Variants in CPEB3 observed in about 807,000 individuals in gnomAD.
CPEB3 encodes the protein cytoplasmic polyadenylation element binding protein 3.
Under a neutral mutation model 67.2 loss-of-function variants are expected in CPEB3, and 20 were observed. The observed-to-expected ratio is 0.30, with a 90% confidence interval of 0.21 to 0.43. The LOEUF is 0.43. Among genes scored for constraint, CPEB3 ranks in the 20% least tolerant of loss-of-function variants. The pLI is 1.00. For missense variants in CPEB3, 746 were observed against 968.6 expected (o/e 0.77, Z 3.05); for synonymous variants, 376 against 393.1 (o/e 0.96, Z 0.51).
intron 2 of CPEB3, among the ~76,000 whole-genome samples, chr10:92,225,496 C>T (rs896805190): frequency 1.3e-5 from 2 of 152,056 alleles, no homozygotes; most frequent in African/African-American, 2.4e-5. Context: ...ATGCAAGACT[C>T]CATCTCAAAT....
chr10:92,244,305 C>G lies in CPEB3; in HGVS notation c.-11-3944G>C, dbSNP rs187396048. Among the ~76,000 whole-genome samples the G allele has an allele frequency of 4.0e-4, 61 of 151,424 alleles. 2 individuals are homozygous for G. The East Asian group carries it at 9.4e-3, about 23-fold the overall frequency. ...GAGGTTGCAGTGAGCTGAGATTAGG[C>G]CACTGCACTCCAGCCTGGGTGACAG... On this transcript the variant is annotated intron_variant, in intron 1 of 9. Transcript: ENST00000265997.
At chr10:92,161,040 A>T (rs894323603) in intron 4 of CPEB3, among the ~76,000 whole-genome samples, 5 of 151,758 alleles carry the variant, frequency 3.3e-5, no homozygotes, top group African/African-American at 7.3e-5. Flanking sequence ...CCACACCCAG[A>T]TAATTTCTGT....
chr10:92,137,299 G>T (rs1381600493), intron 6 of CPEB3: 1 of 674,470 alleles, frequency 1.5e-6, no homozygotes, highest in African/African-American at 1.8e-5. Context: ...ACTACAGATG[G>T]AAGTTCCCCA....
chr10:92,248,434 T>A (rs1235341403), intron 1 of CPEB3, among the ~76,000 whole-genome samples: 1 of 152,154 alleles, frequency 6.6e-6, no homozygotes, highest in Non-Finnish European at 1.5e-5. Context: ...GTCAAATACA[T>A]CATTTTGAGC....
At chr10:92,148,441 A>G (rs569783234) in intron 4 of CPEB3, among the ~76,000 whole-genome samples, 1 of 152,120 alleles carries the variant, frequency 6.6e-6, no homozygotes, top group Non-Finnish European at 1.5e-5. Flanking sequence ...AACTTTCCTA[A>G]GCCTTTAGAT....
chr10:92,194,926 C>T (rs1051827709), intron 2 of CPEB3, among the ~76,000 whole-genome samples: 1 of 151,914 alleles, frequency 6.6e-6, no homozygotes, highest in Non-Finnish European at 1.5e-5. Flanking sequence ...CACCTGTAGT[C>T]CCAACTACTA....
At chr10:92,119,121 TG>T in intron 6 of CPEB3, 1 of 1,586,532 alleles carries the variant, frequency 6.3e-7, no homozygotes, top group Non-Finnish European at 8.7e-7. Flanking sequence ...GTGGCTGTCC[TG>T]GTTCTTACTG....
intron 4 of CPEB3, among the ~76,000 whole-genome samples, chr10:92,150,725 T>C (rs968754765): frequency 6.6e-6 from 1 of 152,210 alleles, no homozygotes; most frequent in African/African-American, 2.4e-5. Flanking sequence ...GAAGTCTTGC[T>C]TCACTAACTA....
At chr10:92,139,015 C>T (rs1293768159) in intron 6 of CPEB3, among the ~76,000 whole-genome samples, 8 of 152,132 alleles carry the variant, frequency 5.3e-5, no homozygotes, top group Non-Finnish European at 1.2e-4. Flanking sequence ...CGGTGGCTCA[C>T]GCCTGTAATT....
intron 1 of CPEB3, among the ~76,000 whole-genome samples, chr10:92,254,553 G>C (rs1722790023): frequency 6.6e-6 from 1 of 152,136 alleles, no homozygotes; most frequent in African/African-American, 2.4e-5. Context: ...TGTTAGTCTT[G>C]GGTTAATTCG....
chr10:92,211,474 G>A (rs1192399292), intron 2 of CPEB3, among the ~76,000 whole-genome samples: 2 of 151,706 alleles, frequency 1.3e-5, no homozygotes, highest in Non-Finnish European at 2.9e-5. Flanking sequence ...ATCATGACAC[G>A]GAACACAAAC....
intron 2 of CPEB3, among the ~76,000 whole-genome samples, chr10:92,207,466 T>C (rs963362656): frequency 2.0e-5 from 3 of 152,222 alleles, no homozygotes; most frequent in Non-Finnish European, 2.9e-5. Context: ...AGACACTTTG[T>C]ATGTGATATC....
chr10:92,272,797 A>G (rs1853362010), intron 1 of CPEB3, among the ~76,000 whole-genome samples: 1 of 152,174 alleles, frequency 6.6e-6, no homozygotes, highest in South Asian at 2.1e-4. Flanking sequence ...CAGGATTTAA[A>G]CAGGTCACAG....
chr10:92,261,049 A>G (rs1228772328), intron 1 of CPEB3, among the ~76,000 whole-genome samples: 1 of 152,160 alleles, frequency 6.6e-6, no homozygotes, highest in Non-Finnish European at 1.5e-5. Flanking sequence ...GCCAGTAGCT[A>G]GTAGGTTCTG....
In CPEB3 at chr10:92,261,650, T is replaced by C. The variant is rs1285071404; in HGVS notation, c.-11-21289A>G. 3.9e-5 allele frequency among the ~76,000 whole-genome samples: 6 copies of C among 152,140 alleles called. 1 individual carries two copies. Among genetic ancestry groups the C allele is most frequent in the South Asian group, 4.1e-4 (2 of 4,828 alleles). On this transcript the variant is annotated intron_variant, in intron 1 of 9. Transcript: ENST00000265997. ...TTTTAGTAGAGGCAAGGTTTCACCA[T>C]GTTGGTCAGGCTGGTCTCGAACTCC...
intron 4 of CPEB3, among the ~76,000 whole-genome samples, chr10:92,152,445 T>C (rs1847007501): frequency 6.6e-6 from 1 of 152,244 alleles, no homozygotes; most frequent in Admixed American, 6.5e-5. Flanking sequence ...TCGAGGTTTA[T>C]GTTGTAGCAT....
chr10:92,285,058 A>G (rs1842464834), intron 1 of CPEB3, among the ~76,000 whole-genome samples: 1 of 152,212 alleles, frequency 6.6e-6, no homozygotes, highest in Admixed American at 6.5e-5. Context: ...CTGCACCATA[A>G]TATGGCAGAA....
At chr10:92,119,213 C>G (rs76015845) in intron 6 of CPEB3, 2 of 1,582,684 alleles carry the variant, frequency 1.3e-6, no homozygotes, top group Non-Finnish European at 1.7e-6. Flanking sequence ...TACATTCACC[C>G]ATCTTTCTGT....
chr10:92,059,121 G>A (rs1415098466), intron 9 of CPEB3, among the ~76,000 whole-genome samples: 2 of 152,018 alleles, frequency 1.3e-5, no homozygotes, highest in Non-Finnish European at 2.9e-5. Context: ...GAGGTCAGGA[G>A]TTTGAGACCA....
Sources: gnomAD v4.1 joint callset for allele counts (sites outside exome capture counted in the v4.1 genomes callset) on GRCh38, gnomAD v4.1.1 for gene constraint, MANE v1.5 for transcripts, NCBI Gene and HGNC (gene_info 2026-07-23, HGNC 2026-07-21) for gene names.